The following GABRB3 variants were observed in gnomAD, a reference collection of about 807,000 sequenced individuals.
GABRB3 encodes gamma-aminobutyric acid type A receptor subunit beta3.
A neutral mutation model predicts 52.1 loss-of-function variants in GABRB3; 14 were observed. The observed-to-expected ratio is 0.27, with a 90% CI of 0.18 to 0.42. GABRB3 has a LOEUF of 0.42. GABRB3 is among the 10% of genes least tolerant of loss of function. GABRB3 has a pLI of 1.00. For synonymous variants in GABRB3, 260 were observed against 232.3 expected (o/e 1.12, Z -1.08); for missense variants, 307 against 609.1 (o/e 0.50, Z 5.22).
chr15:26,698,024 C>T (rs1888799969), intron 3 of GABRB3, among the ~76,000 whole-genome samples: 1 of 152,190 alleles, frequency 6.6e-6, no homozygotes, highest in Admixed American at 6.5e-5. Context: ...AAAGGAGTCC[C>T]AGCTCATCAA....
At chr15:26,587,450 A>G (rs1025213248) in intron 4 of GABRB3, among the ~76,000 whole-genome samples, 6 of 152,186 alleles carry the variant, frequency 3.9e-5, no homozygotes, top group African/African-American at 1.4e-4. Flanking sequence ...AGGGGTGGGG[A>G]GCAGAGCGAA....
At chr15:26,749,767 GT>G (rs1438387742) in intron 3 of GABRB3, among the ~76,000 whole-genome samples, 1 of 152,156 alleles carries the variant, frequency 6.6e-6, no homozygotes, top group Admixed American at 6.5e-5. Flanking sequence ...GTTGGTGTTT[GT>G]TTGTTTGTGT....
chr15:26,660,413 C>T (rs1249415733), intron 3 of GABRB3, among the ~76,000 whole-genome samples: 2 of 152,058 alleles, frequency 1.3e-5, no homozygotes, highest in East Asian at 3.9e-4. Context: ...TCTGAAATCC[C>T]AAGTCAATTT....
At chr15:26,720,264 G>A (rs1025080123) in intron 3 of GABRB3, among the ~76,000 whole-genome samples, 4 of 152,068 alleles carry the variant, frequency 2.6e-5, no homozygotes, top group African/African-American at 9.7e-5. Context: ...CAGCCCGCCT[G>A]CACCCAGGTG....
chr15:26,590,421 C>T (rs961987398), intron 4 of GABRB3, among the ~76,000 whole-genome samples: 6 of 152,146 alleles, frequency 3.9e-5, no homozygotes, highest in African/African-American at 1.2e-4. Context: ...TGGCCCTTTG[C>T]AGTCACCCTA....
chr15:26,548,469 T>G (rs1889341751), intron 8 of GABRB3, among the ~76,000 whole-genome samples: 1 of 152,328 alleles, frequency 6.6e-6, no homozygotes, highest in African/African-American at 2.4e-5. Flanking sequence ...ACTTAGGTGC[T>G]CTAACCATTT....
chr15:26,589,529 C>T (rs1595463871), intron 4 of GABRB3, among the ~76,000 whole-genome samples: 1 of 152,130 alleles, frequency 6.6e-6, no homozygotes, highest in Non-Finnish European at 1.5e-5. Flanking sequence ...TTCTGATTTC[C>T]CTGGCTGGTC....
chr15:26,616,328 G>A (rs1420291330), intron 4 of GABRB3, among the ~76,000 whole-genome samples: 1 of 146,166 alleles, frequency 6.8e-6, no homozygotes. Context: ...GATCAGGGTT[G>A]AGACTTATTA....
chr15:26,550,133 G>T (rs1388348546), intron 8 of GABRB3: 1 of 152,138 alleles, frequency 6.6e-6, no homozygotes, highest in Non-Finnish European at 1.5e-5. Flanking sequence ...ACCTTCAAAA[G>T]TAGAGAACTT....
rs1285436572 is a variant in GABRB3, at chr15:26,584,883, G to A, written c.462-1469C>T. Among the ~76,000 whole-genome samples, 6 of 152,194 alleles carry A rather than the reference G, an allele frequency of 3.9e-5. No homozygotes were observed. In the East Asian group the frequency reaches 1.2e-3, roughly 29 times the overall value. On this transcript the variant is annotated intron_variant, in intron 4 of 8. Coordinates refer to ENST00000311550, the MANE Select transcript of GABRB3 (RefSeq NM_000814.6). ...GACAGCAAGCCATTAGTGGGTGAGA[G>A]ATACATGACATGGCCTGAGTTGAAA...
intron 3 of GABRB3, among the ~76,000 whole-genome samples, chr15:26,709,603 T>C (rs560693991): frequency 5.0e-5 from 7 of 139,632 alleles, no homozygotes; most frequent in South Asian, 2.5e-4. Flanking sequence ...CTGCAAGCTC[T>C]GCCTCCTGGG....
chr15:26,700,541 C>T (rs921772038), intron 3 of GABRB3, among the ~76,000 whole-genome samples: 2 of 152,114 alleles, frequency 1.3e-5, no homozygotes, highest in Non-Finnish European at 2.9e-5. Flanking sequence ...GATCGGTATC[C>T]CTCATGAACA....
At chr15:26,710,879 T>C (rs1395929746) in intron 3 of GABRB3, among the ~76,000 whole-genome samples, 1 of 151,954 alleles carries the variant, frequency 6.6e-6, no homozygotes, top group Non-Finnish European at 1.5e-5. Context: ...TTCATTTTCT[T>C]AATGAATAAC....
chr15:26,619,643 A>C (rs1349463949), intron 4 of GABRB3, among the ~76,000 whole-genome samples: 1 of 152,058 alleles, frequency 6.6e-6, no homozygotes, highest in Non-Finnish European at 1.5e-5. Context: ...CATTATGCAC[A>C]TGTACCCTAA....
chr15:26,550,624 G>C (rs1449628470), intron 8 of GABRB3, among the ~76,000 whole-genome samples: 1 of 152,210 alleles, frequency 6.6e-6, no homozygotes, highest in Non-Finnish European at 1.5e-5. Flanking sequence ...ATAAGATCCA[G>C]CCAAGGCAAT....
chr15:26,689,606 G>C (rs1888519402), intron 3 of GABRB3, among the ~76,000 whole-genome samples: 1 of 152,066 alleles, frequency 6.6e-6, no homozygotes, highest in African/African-American at 2.4e-5. Context: ...ACCCCAGAGT[G>C]GAGTTTTCAG....
chr15:26,733,114 C>T (rs1274133044), intron 3 of GABRB3, among the ~76,000 whole-genome samples: 2 of 152,116 alleles, frequency 1.3e-5, no homozygotes, highest in Non-Finnish European at 2.9e-5. Flanking sequence ...CTGCTGTTTC[C>T]TCTTCTATTC....
At chr15:26,723,518 A>AAGAT (rs1274238020) in intron 3 of GABRB3, among the ~76,000 whole-genome samples, 1 of 152,204 alleles carries the variant, frequency 6.6e-6, no homozygotes, top group Admixed American at 6.5e-5. Context: ...CACAGATATG[A>AAGAT]AGATAGAATG....
At chr15:26,764,227 T>G (rs1890931409) in intron 3 of GABRB3, among the ~76,000 whole-genome samples, 3 of 109,732 alleles carry the variant, frequency 2.7e-5, no homozygotes, top group Admixed American at 1.1e-4. Flanking sequence ...TATATATATA[T>G]ATATATATAG....
Sources: gnomAD v4.1 joint callset for allele counts (sites outside exome capture counted in the v4.1 genomes callset) on GRCh38, gnomAD v4.1.1 for gene constraint, MANE v1.5 for transcripts, NCBI Gene and HGNC (gene_info 2026-07-23, HGNC 2026-07-21) for gene names.